MYO9B: variants seen among roughly 807,000 people sequenced by gnomAD.
The protein encoded by MYO9B is myosin IXB, also known as unconventional myosin-IXb.
MYO9B carries 71 observed loss-of-function variants against 229.5 expected under a neutral mutation model. The ratio of observed to expected loss-of-function variants is 0.31; its 90% CI spans 0.26 to 0.38. MYO9B has a LOEUF of 0.38. MYO9B is among the 10% of genes least tolerant of loss of function. The pLI, the probability that MYO9B is intolerant of heterozygous loss-of-function variation, is 1.00. For synonymous variants in MYO9B, 1,185 were observed against 1,235.8 expected, an observed-to-expected ratio of 0.96 and a Z score of 0.86; for missense variants, 2,255 against 2,920.5, an observed-to-expected ratio of 0.77 and a Z score of 5.25.
chr19:17,102,467 C>A lies in MYO9B; in HGVS notation c.750C>A (p.Asn250Lys), dbSNP rs199664292. Reference protein sequence around the residue: ...ESGSGKTQSTNFLIHCLTALS... With the variant: ...ESGSGKTQSTKFLIHCLTALS... ...GCTCCGGCAAGACCCAGAGCACCAA[C>A]TTCCTCATCCACTGCCTCACCGCCC... Residue 250 changes from asparagine (N) to lysine (K), a missense_variant, in exon 2 of 40, where the codon AAC becomes AAA. Transcript: ENST00000682292. The A allele has an allele frequency of 3.7e-6, 6 of 1,613,832 alleles. No homozygotes were observed. The highest frequency in any genetic ancestry group is 1.6e-4 in the Middle Eastern group (1 of 6,084).
chr19:17,134,464 T>A (rs1314915767), intron 2 of MYO9B, among the ~76,000 whole-genome samples: 2 of 131,798 alleles, frequency 1.5e-5, no homozygotes, highest in East Asian at 5.4e-4. Flanking sequence ...CGATCTCAGC[T>A]CAGTGCAACC....
intron 29 of MYO9B, 43 bp downstream of exon 29, chr19:17,202,926 T>C (rs1465492422): frequency 1.3e-6 from 2 of 1,581,878 alleles, no homozygotes; most frequent in Non-Finnish European, 8.6e-7. Context: ...CAGGCGAACA[T>C]TGGCAGGAGC....
At chr19:17,192,101 G>A (rs1452557637) in intron 20 of MYO9B, among the ~76,000 whole-genome samples, 5 of 151,674 alleles carry the variant, frequency 3.3e-5, no homozygotes, top group Non-Finnish European at 2.9e-5. Flanking sequence ...GATTACAGGT[G>A]CCCGCCACCA....
intron 1 of MYO9B, among the ~76,000 whole-genome samples, chr19:17,086,317 G>A (rs563032426): frequency 2.0e-4 from 30 of 152,220 alleles, no homozygotes; most frequent in Admixed American, 4.6e-4. Context: ...CTCTGGCCCC[G>A]CCTGCCCATT....
chr19:17,123,966 G>A (rs1252224390), intron 2 of MYO9B, among the ~76,000 whole-genome samples: 1 of 152,068 alleles, frequency 6.6e-6, no homozygotes, highest in Non-Finnish European at 1.5e-5. Context: ...GCTTACTGCA[G>A]CCTCAATCTC....
chr19:17,196,803 G>A (rs1400868881), intron 22 of MYO9B, among the ~76,000 whole-genome samples: 4 of 152,008 alleles, frequency 2.6e-5, no homozygotes, highest in Non-Finnish European at 4.4e-5. Context: ...AGGTAGAGAT[G>A]ATGGATGGCT....
chr19:17,167,864 A>T, intron 10 of MYO9B, 79 bp from the exon 11 acceptor site: 1 of 1,503,866 alleles, frequency 6.6e-7, no homozygotes, highest in Non-Finnish European at 9.0e-7. Flanking sequence ...GGGATACTCG[A>T]CCTGTATGCA....
At chr19:17,134,147 G>A (rs1330729099) in intron 2 of MYO9B, among the ~76,000 whole-genome samples, 1 of 151,844 alleles carries the variant, frequency 6.6e-6, no homozygotes, top group Non-Finnish European at 1.5e-5. Flanking sequence ...GTTAGGGTTG[G>A]GCTTCTAAAA....
intron 35 of MYO9B, among the ~76,000 whole-genome samples, chr19:17,208,673 C>T (rs770842560): frequency 2.0e-5 from 3 of 152,042 alleles, no homozygotes; most frequent in Non-Finnish European, 4.4e-5. Context: ...CCTTGTGATC[C>T]GCCGTGAGCC....
chr19:17,089,479 G>A (rs994602983), intron 1 of MYO9B, among the ~76,000 whole-genome samples: 6 of 152,128 alleles, frequency 3.9e-5, no homozygotes, highest in African/African-American at 7.2e-5. Context: ...TGGAGGCCCC[G>A]TCCGGAGGCC....
chr19:17,145,953 TGATGGATG>T (rs149312996), intron 3 of MYO9B, among the ~76,000 whole-genome samples: 2 of 148,876 alleles, frequency 1.3e-5, no homozygotes, highest in African/African-American at 5.0e-5. Context: ...GATGGATGGA[TGATGGATG>T]GATGGATGGA....
At position 17,167,489 on chromosome 19, in the gene MYO9B, T is replaced by G. The variant is rs546917063; in HGVS notation, c.1672-454T>G. On this transcript the variant is annotated intron_variant, in intron 10 of 39. Coordinates refer to ENST00000682292, the MANE Select transcript of MYO9B (RefSeq NM_004145.4). ...ATTAGAGCTATTTTTTTTTTTTTTTTTTTGTGACGGAGTTTCGCTCTTGTT... is the reference window on the plus strand; with the variant it reads ...ATTAGAGCTATTTTTTTTTTTTTTTGTTTGTGACGGAGTTTCGCTCTTGTT... Among the ~76,000 whole-genome samples, 321 of 149,550 alleles carry G rather than the reference T, an allele frequency of 2.1e-3. 5 individuals are homozygous for G. Among genetic ancestry groups the G allele is most frequent in the African/African-American group, 7.8e-3 (311 of 39,666 alleles).
chr19:17,185,849 G>A, intron 17 of MYO9B, 72 bp from the exon 18 acceptor site: 2 of 1,251,642 alleles, frequency 1.6e-6, no homozygotes, highest in Non-Finnish European at 1.2e-6. Flanking sequence ...GAGTGTCCCA[G>A]GTCTGCTCCC....
At position 17,213,224 on chromosome 19, in the gene MYO9B, C is replaced by G. The variant is rs1256584220; in HGVS notation, c.*914C>G. ...TGGCCCACTCCCCCAGACACCTGGA[C>G]ACGTGGCCACAAATCTGGGACAAGG... On this transcript the variant is annotated 3_prime_UTR_variant, in exon 40 of 40. Coordinates refer to ENST00000682292, the MANE Select transcript of MYO9B (RefSeq NM_004145.4). The G allele has an allele frequency of 6.6e-6, 1 of 152,364 alleles. No homozygotes were observed. The highest frequency in any genetic ancestry group is 2.4e-5 in the African/African-American group (1 of 41,472). 9.4% of individuals were successfully genotyped at this position (152,364 alleles called of 1,614,324 possible).
intron 1 of MYO9B, among the ~76,000 whole-genome samples, chr19:17,099,610 T>C (rs2057724976): frequency 6.6e-6 from 1 of 151,678 alleles, no homozygotes. Flanking sequence ...GGTCAGGAGA[T>C]AGAGACCATC....
At chr19:17,096,678 G>A (rs2123505683) in intron 1 of MYO9B, among the ~76,000 whole-genome samples, 1 of 103,732 alleles carries the variant, frequency 9.6e-6, no homozygotes, top group South Asian at 3.7e-4. Flanking sequence ...TGTTGTTGTT[G>A]TTGTTGTTGT....
chr19:17,126,360 C>G (rs1190886042), intron 2 of MYO9B, among the ~76,000 whole-genome samples: 3 of 152,218 alleles, frequency 2.0e-5, no homozygotes, highest in African/African-American at 4.8e-5. Flanking sequence ...ACACTCACCT[C>G]CTGCCGACCC....
At position 17,194,948 on chromosome 19, in the gene MYO9B, C is replaced by G; in HGVS notation, c.3521C>G (p.Ala1174Gly). 2 of 1,613,360 alleles carry G rather than the reference C, an allele frequency of 1.2e-6. No homozygotes were observed. Among genetic ancestry groups the G allele is most frequent in the South Asian group, 2.2e-5 (2 of 91,080 alleles). ...KHIQSCKEES[A>G]LREPSRRVTQ... ...ATCCAGTCCTGCAAGGAGGAGAGTG[C>G]CCTCAGAGAACCTTCCAGAAGGGTC... is the stretch of plus-strand genomic sequence containing the variant. Residue 1174 changes from alanine to glycine, a missense_variant, in exon 22 of 40, where the codon GCC becomes GGC. Around this residue, in one of 7 missense-constraint regions of MYO9B, gnomAD observed 679 missense variants for 770.2 expected, o/e 0.88. Coordinates refer to ENST00000682292, the MANE Select transcript of MYO9B (RefSeq NM_004145.4).
At chr19:17,123,660 C>T (rs1334410195) in intron 2 of MYO9B, among the ~76,000 whole-genome samples, 2 of 152,074 alleles carry the variant, frequency 1.3e-5, no homozygotes, top group Non-Finnish European at 2.9e-5. Flanking sequence ...CCGTCTGTCA[C>T]AGCCTCCCAA....
Sources: allele counts gnomAD v4.1 joint callset (sites outside exome capture counted in the v4.1 genomes callset), GRCh38; gene constraint gnomAD v4.1.1; regional missense constraint gnomAD v4.1.1; transcripts MANE v1.5; gene names NCBI Gene and HGNC (gene_info 2026-07-23, HGNC 2026-07-21).